CHST9: variants seen among roughly 807,000 people sequenced by gnomAD.
CHST9 encodes carbohydrate sulfotransferase 9, also known as GalNAc-4-sulfotransferase 2.
A neutral mutation model predicts 44.4 loss-of-function variants in CHST9; 41 were observed. The ratio of observed to expected loss-of-function variants is 0.92; its 90% CI spans 0.72 to 1.20. The LOEUF is 1.20. CHST9 is among the 50% of genes most tolerant of loss of function. The pLI, the probability that CHST9 is intolerant of heterozygous loss-of-function variation, is 0.00. For synonymous variants in CHST9, 171 were observed against 178.4 expected, an observed-to-expected ratio of 0.96 and a Z score of 0.33; for missense variants, 504 against 516.5, an observed-to-expected ratio of 0.98 and a Z score of 0.23.
At chr18:27,055,381 C>T (rs1444797667) in intron 2 of CHST9, among the ~76,000 whole-genome samples, 4 of 152,058 alleles carry the variant, frequency 2.6e-5, no homozygotes, top group East Asian at 1.9e-4. Flanking sequence ...TCTATACTTC[C>T]GAGTTAACTA....
intron 2 of CHST9, among the ~76,000 whole-genome samples, chr18:27,130,397 A>G (rs1005994996): frequency 3.0e-4 from 45 of 152,210 alleles, no homozygotes; most frequent in Admixed American, 1.2e-3. Flanking sequence ...TCTGTGTCTT[A>G]TATTTATATC....
At chr18:26,930,438 C>T (rs957330899) in intron 5 of CHST9, among the ~76,000 whole-genome samples, 2 of 152,124 alleles carry the variant, frequency 1.3e-5, no homozygotes, top group African/African-American at 2.4e-5. Flanking sequence ...CAAAACTAAG[C>T]GAGCATCAAA....
intron 5 of CHST9, among the ~76,000 whole-genome samples, chr18:26,938,901 T>C (rs555792676): frequency 6.6e-6 from 1 of 152,316 alleles, no homozygotes; most frequent in African/African-American, 2.4e-5. Context: ...TAAGAATCAA[T>C]GACACAGCAG....
intron 4 of CHST9, among the ~76,000 whole-genome samples, chr18:27,015,814 T>C (rs993846025): frequency 9.2e-5 from 14 of 152,150 alleles, no homozygotes; most frequent in African/African-American, 2.9e-4. Flanking sequence ...CAATCCATAT[T>C]ACCTGCCTCA....
intron 2 of CHST9, among the ~76,000 whole-genome samples, chr18:27,091,873 T>C (rs2058072493): frequency 6.6e-6 from 1 of 152,232 alleles, no homozygotes; most frequent in African/African-American, 2.4e-5. Flanking sequence ...GATTTTCGCA[T>C]TGATGTTCTT....
intron 2 of CHST9, among the ~76,000 whole-genome samples, chr18:27,128,452 T>G (rs1390129863): frequency 6.6e-6 from 1 of 152,110 alleles, no homozygotes; most frequent in East Asian, 1.9e-4. Context: ...GTATTTTTAG[T>G]AGAGACGGGG....
At chr18:26,949,382 A>C (rs1487870317) in intron 4 of CHST9, among the ~76,000 whole-genome samples, 2 of 144,758 alleles carry the variant, frequency 1.4e-5, no homozygotes, top group Non-Finnish European at 3.1e-5. Flanking sequence ...CCTCATCTCT[A>C]CTTTTTTTTT....
intron 1 of CHST9, among the ~76,000 whole-genome samples, chr18:27,157,425 T>C (rs769523591): frequency 5.9e-5 from 9 of 152,130 alleles, no homozygotes; most frequent in Non-Finnish European, 1.2e-4. Context: ...CACATGCAAA[T>C]ATTTATTAAG....
At chr18:27,184,917 C>A (rs1475236422) in intron 1 of CHST9, among the ~76,000 whole-genome samples, 1 of 152,072 alleles carries the variant, frequency 6.6e-6, no homozygotes. Context: ...TCCCGCCATG[C>A]GTCCACTGAA....
intron 2 of CHST9, among the ~76,000 whole-genome samples, chr18:27,083,279 T>C (rs561518491): frequency 6.6e-6 from 1 of 152,262 alleles, no homozygotes; most frequent in African/African-American, 2.4e-5. Flanking sequence ...GAAGGGCTTA[T>C]TATTAATTAC....
intron 1 of CHST9, among the ~76,000 whole-genome samples, chr18:27,148,186 G>A (rs1052080340): frequency 6.6e-6 from 1 of 151,954 alleles, no homozygotes. Context: ...TTCCACAAAG[G>A]ACATGATCTC....
chr18:26,921,044 T>C (rs917949793), intron 5 of CHST9, among the ~76,000 whole-genome samples: 1 of 152,164 alleles, frequency 6.6e-6, no homozygotes, highest in African/African-American at 2.4e-5. Context: ...GTCATAGCAT[T>C]TGGGGACTAC....
chr18:26,944,493 A>G (rs2145117539), intron 4 of CHST9, 127 bp from the exon 5 acceptor site: 3 of 673,100 alleles, frequency 4.5e-6, no homozygotes, highest in Admixed American at 2.5e-5. Flanking sequence ...AAGGATTTCT[A>G]TCACAATGTG....
At chr18:26,980,138 G>T (rs529102632) in intron 4 of CHST9, among the ~76,000 whole-genome samples, 1 of 152,184 alleles carries the variant, frequency 6.6e-6, no homozygotes, top group South Asian at 2.1e-4. Flanking sequence ...CACTCTACCT[G>T]TTAAGCTTAG....
intron 1 of CHST9, among the ~76,000 whole-genome samples, chr18:27,157,381 G>A (rs1156496821): frequency 6.6e-6 from 1 of 152,116 alleles, no homozygotes; most frequent in Non-Finnish European, 1.5e-5. Context: ...TATAAAGTTT[G>A]TGAGCCATGA....
At chr18:26,987,131 T>A (rs1182833974) in intron 4 of CHST9, among the ~76,000 whole-genome samples, 1 of 152,192 alleles carries the variant, frequency 6.6e-6, no homozygotes, top group Non-Finnish European at 1.5e-5. Context: ...GGCCGATCCT[T>A]CATGAATGGC....
chr18:26,990,382 AAGTAACT>A (rs1301396190), intron 4 of CHST9, among the ~76,000 whole-genome samples: 2 of 152,210 alleles, frequency 1.3e-5, no homozygotes, highest in Non-Finnish European at 2.9e-5. Flanking sequence ...TCTGGGGTGC[AAGTAACT>A]GTTTCTTGAT....
At chr18:26,985,514 A>ACCC (rs1456036315) in intron 4 of CHST9, among the ~76,000 whole-genome samples, 2 of 152,220 alleles carry the variant, frequency 1.3e-5, no homozygotes, top group Non-Finnish European at 2.9e-5. Flanking sequence ...AGGTTGTAAC[A>ACCC]CAAGGAGAGA....
At chr18:27,125,432 T>C (rs942091717) in intron 2 of CHST9, among the ~76,000 whole-genome samples, 1 of 152,206 alleles carries the variant, frequency 6.6e-6, no homozygotes, top group African/African-American at 2.4e-5. Flanking sequence ...AGAGTACTTT[T>C]AGGCATTTTC....
Sources: gnomAD v4.1 joint callset for allele counts (sites outside exome capture counted in the v4.1 genomes callset) on GRCh38, gnomAD v4.1.1 for gene constraint, MANE v1.5 for transcripts, NCBI Gene and HGNC (gene_info 2026-07-23, HGNC 2026-07-21) for gene names.